The following UGGT1 variants were observed in gnomAD, a reference collection of about 807,000 sequenced individuals.
The protein encoded by UGGT1 is UDP-glucose:glycoprotein glucosyltransferase 1.
A neutral mutation model predicts 203.9 loss-of-function variants in UGGT1; 107 were observed. The ratio of observed to expected loss-of-function variants is 0.52; its 90% CI spans 0.45 to 0.62. The LOEUF is 0.62. Ranked by LOEUF, UGGT1 falls within the 20% of genes least tolerant of loss-of-function variation. The pLI is 0.00. For synonymous variants in UGGT1, 628 were observed against 653.5 expected (o/e 0.96, Z 0.59); for missense variants, 1,673 against 1,867.2 (o/e 0.90, Z 1.92).
rs1021935697 is a variant in UGGT1, at chr2:128,194,034, AC to A, written c.*4293del. On this transcript the variant is annotated 3_prime_UTR_variant, in exon 41 of 41. Transcript: ENST00000259253. ...ACCTGATGGAAGCTTTCTCTTGGTA[AC>A]AAAAATGGAGGGTGTATTATGTGCA... 1.2e-4 allele frequency: 19 copies of A among 152,160 alleles called. No individual in the cohort carries two copies. Among genetic ancestry groups the A allele is most frequent in the African/African-American group, 4.6e-4 (19 of 41,428 alleles). The allele number at this position is 152,160 out of a possible 1,614,324, so 9.4% of individuals were successfully genotyped here.
In UGGT1 at chr2:128,193,632, T is replaced by G. The variant is rs1276461038; in HGVS notation, c.*3890T>G. 1 of 152,170 alleles carries G rather than the reference T, an allele frequency of 6.6e-6. No individual in the cohort carries two copies. Among genetic ancestry groups the G allele is most frequent in the Non-Finnish European group, 1.5e-5 (1 of 68,074 alleles). The allele number at this position is 152,170 out of a possible 1,614,324, so 9.4% of individuals were successfully genotyped here. ...CATCTGATTGTGGGGACCAAGTCCC[T>G]GAGTAGAGGGCCAAGAGCTAGGGAC... On this transcript the variant is annotated 3_prime_UTR_variant, in exon 41 of 41. Transcript: ENST00000259253.
In UGGT1 at chr2:128,165,906, C is replaced by T. The variant is rs1009777894; in HGVS notation, c.2921+1081C>T. The stretch of plus-strand genomic sequence containing the variant: ...CCTCCTGTGTGGAAGAGACCACAGG[C>T]GCTTGCCACCATGCCTGGCTAGTTT... On this transcript the variant is annotated intron_variant, in intron 26 of 40. Transcript: ENST00000259253. Among the ~76,000 whole-genome samples, 12 of 152,070 alleles carry T rather than the reference C, an allele frequency of 7.9e-5. No homozygotes were observed. In the East Asian group the frequency reaches 1.2e-3, roughly 15 times the overall value.
Position 128,145,973 on chromosome 2 carries a change from T to C in UGGT1, c.2016+6T>C, listed in dbSNP as rs1465441982. The C allele has an allele frequency of 1.2e-6, 2 of 1,613,638 alleles. No individual in the cohort carries two copies. Among genetic ancestry groups the C allele is most frequent in the South Asian group, 2.2e-5 (2 of 91,024 alleles). On this transcript the variant is annotated splice_donor_region_variant and intron_variant, in intron 18 of 40. Transcript: ENST00000259253. ...TCCAAAGAGCGGTGTACTTGGTGAGTCACGTTTCAAGGCTGATTTTTTAAA... is the reference window on the plus strand; with the variant it reads ...TCCAAAGAGCGGTGTACTTGGTGAGCCACGTTTCAAGGCTGATTTTTTAAA...
At chr2:128,115,889 T>A (rs1688078075) in intron 7 of UGGT1, among the ~76,000 whole-genome samples, 1 of 152,232 alleles carries the variant, frequency 6.6e-6, no homozygotes, top group Non-Finnish European at 1.5e-5. Flanking sequence ...AGGATTAAGT[T>A]GACTAATTAT....
intron 31 of UGGT1, among the ~76,000 whole-genome samples, chr2:128,176,430 AAGAG>A (rs1356797079): frequency 1.3e-5 from 2 of 151,362 alleles, no homozygotes; most frequent in Non-Finnish European, 2.9e-5. Context: ...AAAAAAAAAA[AAGAG>A]CGGAGGCAGT....
chr2:128,105,460 T>G (rs1336665753), intron 3 of UGGT1, among the ~76,000 whole-genome samples: 2 of 151,342 alleles, frequency 1.3e-5, no homozygotes, highest in Non-Finnish European at 2.9e-5. Flanking sequence ...ATTACAGGCG[T>G]GAGTGACTGC....
chr2:128,100,350 T>A (rs563683043), intron 2 of UGGT1, among the ~76,000 whole-genome samples: 1 of 152,006 alleles, frequency 6.6e-6, no homozygotes, highest in Non-Finnish European at 1.5e-5. Flanking sequence ...AGATTTACTA[T>A]CACTTTCTGA....
chr2:128,122,084 G>A (rs551204253), intron 10 of UGGT1, among the ~76,000 whole-genome samples: 1 of 152,088 alleles, frequency 6.6e-6, no homozygotes, highest in South Asian at 2.1e-4. Flanking sequence ...TGTTTGGACC[G>A]GGCTTGGTGG....
chr2:128,179,009 C>T (rs1374309809), intron 34 of UGGT1, among the ~76,000 whole-genome samples: 4 of 152,080 alleles, frequency 2.6e-5, no homozygotes, highest in South Asian at 2.1e-4. Context: ...GCTGAGGCCC[C>T]GAGTGTGAAG....
chr2:128,187,539 C>G lies in UGGT1; in HGVS notation c.4567C>G (p.Leu1523Val), dbSNP rs939206369. The G allele has an allele frequency of 3.1e-6, 5 of 1,614,100 alleles. No individual in the cohort carries two copies. Among genetic ancestry groups the G allele is most frequent in the Non-Finnish European group, 4.2e-6 (5 of 1,180,020 alleles). The change falls in exon 40 of 41, where the codon CTA (leucine) becomes GTA (valine). Residue 1523 changes from leucine (L) to valine (V), a missense_variant. Around this residue, in one of 4 missense-constraint regions of UGGT1, gnomAD observed 513 missense variants for 684.1 expected, o/e 0.75. Coordinates refer to ENST00000259253, the MANE Select transcript of UGGT1 (RefSeq NM_020120.4). ...GGACTACGACCAAGAGATCAAACAGCTACAGATCCGCTTTCAGAAGGAGAA... is the reference window on the plus strand; with the variant it reads ...GGACTACGACCAAGAGATCAAACAGGTACAGATCCGCTTTCAGAAGGAGAA... Reference protein sequence around the residue: ...WQDYDQEIKQLQIRFQKEKET... With the variant: ...WQDYDQEIKQVQIRFQKEKET...
rs1212803552 is a variant in UGGT1, at chr2:128,157,353, A to G, written c.2355+7A>G. 2.5e-6 allele frequency: 4 copies of G among 1,610,226 alleles called. No homozygotes were observed. In the Admixed American group the frequency reaches 5.0e-5, roughly 20 times the overall value. On this transcript the variant is annotated splice_region_variant and intron_variant, in intron 22 of 40. Transcript: ENST00000259253. ...TGATGCCATCAAACATCAGGCAAGT[A>G]TCTATGACTTCATTTTATATTTTTG...
intron 37 of UGGT1, 32 bp downstream of exon 37, chr2:128,182,322 C>T (rs369140879): frequency 1.2e-4 from 187 of 1,566,458 alleles, no homozygotes; most frequent in Middle Eastern, 6.8e-4. Flanking sequence ...AACACTGTTA[C>T]GGGGTTTTCC....
chr2:128,169,175 A>G (rs540314945), intron 26 of UGGT1, among the ~76,000 whole-genome samples: 1 of 147,730 alleles, frequency 6.8e-6, no homozygotes, highest in East Asian at 2.1e-4. Context: ...GTTTGAGACT[A>G]GTCTGGTCAA....
intron 17 of UGGT1, among the ~76,000 whole-genome samples, chr2:128,145,225 G>A (rs1329927850): frequency 6.6e-6 from 1 of 152,074 alleles, no homozygotes; most frequent in Non-Finnish European, 1.5e-5. Flanking sequence ...TGCATAGAGC[G>A]CTTATAATTT....
intron 15 of UGGT1, among the ~76,000 whole-genome samples, chr2:128,136,554 T>C (rs1158608552): frequency 6.6e-6 from 1 of 152,254 alleles, no homozygotes; most frequent in Non-Finnish European, 1.5e-5. Context: ...CATTTCTTCT[T>C]ATCACTGGAT....
At chr2:128,094,669 C>G (rs1687024437) in intron 1 of UGGT1, among the ~76,000 whole-genome samples, 1 of 149,626 alleles carries the variant, frequency 6.7e-6, no homozygotes, top group African/African-American at 2.5e-5. Context: ...TCCTGTAGAG[C>G]AGGTTTCTGA....
At chr2:128,092,423 C>T (rs932894421) in intron 1 of UGGT1, among the ~76,000 whole-genome samples, 3 of 151,440 alleles carry the variant, frequency 2.0e-5, no homozygotes, top group Non-Finnish European at 4.4e-5. Context: ...AAGGAAGTGA[C>T]CATAATACTT....
chr2:128,115,270 A>G (rs1688045923), intron 7 of UGGT1, 50 bp downstream of exon 7: 5 of 1,506,696 alleles, frequency 3.3e-6, no homozygotes, highest in Non-Finnish European at 4.6e-6. Flanking sequence ...TATGAGTTAA[A>G]GGGGAGTTTG....
chr2:128,188,006 A>G (rs918495555), intron 40 of UGGT1, among the ~76,000 whole-genome samples: 1 of 146,856 alleles, frequency 6.8e-6, no homozygotes, highest in Non-Finnish European at 1.5e-5. Flanking sequence ...CAACACAAAT[A>G]TGTAGTTGAA....
Sources: gnomAD v4.1 joint callset for allele counts (sites outside exome capture counted in the v4.1 genomes callset) on GRCh38, gnomAD v4.1.1 for gene constraint, gnomAD v4.1.1 regional missense constraint, MANE v1.5 for transcripts, NCBI Gene and HGNC (gene_info 2026-07-23, HGNC 2026-07-21) for gene names.